Variants in UBAC1 observed in about 807,000 individuals in gnomAD.
The protein encoded by UBAC1 is UBA domain containing 1.
In UBAC1, 27 loss-of-function variants were observed where a neutral mutation model predicts 45.9. The ratio of observed to expected loss-of-function variants is 0.59; its 90% CI spans 0.43 to 0.81. The LOEUF (loss-of-function observed/expected upper bound fraction) is 0.81. Among genes scored for constraint, UBAC1 ranks in the 30% least tolerant of loss-of-function variants. UBAC1 has a pLI of 0.00. For synonymous variants in UBAC1, 227 were observed against 215.5 expected, an observed-to-expected ratio of 1.05 and a Z score of -0.47; for missense variants, 529 against 539.2, an observed-to-expected ratio of 0.98 and a Z score of 0.19.
At position 135,961,009 on chromosome 9, in the gene UBAC1, G is replaced by A; in HGVS notation, c.138+16C>T. The A allele has an allele frequency of 1.3e-6, 2 of 1,534,258 alleles. No homozygotes were observed. Among genetic ancestry groups the A allele is most frequent in the Non-Finnish European group, 8.7e-7 (1 of 1,144,456 alleles). On this transcript the variant is annotated intron_variant, in intron 1 of 9. Coordinates refer to ENST00000371756, the MANE Select transcript of UBAC1 (RefSeq NM_016172.3). ...CGGAGCGGGTGTTGGGGGCAGGGGA[G>A]GGGGCCCGGCCTTACGTGCTTGAGG... is the stretch of plus-strand genomic sequence containing the variant.
rs369929265 is a variant in UBAC1, at chr9:135,933,404, G to A, written c.1214C>T (p.Thr405Met). The part of the protein sequence containing the change: ...ISRIFQTLNR[T>M] ...AGCCGAGTGGAACAACGCCACCTAC[G>A]TGCGATTTAGTGTCTGGAAGATTCT... is the stretch of plus-strand genomic sequence containing the variant. Residue 405 changes from threonine to methionine, a missense_variant, in exon 10 of 10, where the codon ACG (threonine) becomes ATG (methionine). Physicochemically the swap from Thr to Met is moderately conservative, Grantham distance 81. Coordinates refer to ENST00000371756, the MANE Select transcript of UBAC1 (RefSeq NM_016172.3). The A allele has an allele frequency of 1.2e-5, 20 of 1,613,920 alleles. No homozygotes were observed. Among genetic ancestry groups the A allele is most frequent in the East Asian group, 2.2e-5 (1 of 44,880 alleles).
At chr9:135,942,465 C>T (rs1839280953) in intron 7 of UBAC1, among the ~76,000 whole-genome samples, 1 of 152,114 alleles carries the variant, frequency 6.6e-6, no homozygotes, top group Non-Finnish European at 1.5e-5. Flanking sequence ...GCCTGGGCAA[C>T]ACAGGGAGAT....
intron 3 of UBAC1, among the ~76,000 whole-genome samples, chr9:135,949,673 G>C (rs1346442227): frequency 6.6e-6 from 1 of 152,238 alleles, no homozygotes; most frequent in Non-Finnish European, 1.5e-5. Context: ...ACCAGACCAA[G>C]GGACAGATCG....
At chr9:135,946,036 A>G (rs1839329855) in intron 5 of UBAC1, 39 bp from the exon 6 acceptor site, 2 of 1,566,876 alleles carry the variant, frequency 1.3e-6, no homozygotes, top group African/African-American at 1.4e-5. Flanking sequence ...CTCCAGCCTC[A>G]GGTTCAGGGG....
rs201358352 is a variant in UBAC1, at chr9:135,961,092, G to A, written c.71C>T (p.Ala24Val). Residue 24 changes from alanine (A) to valine (V), a missense_variant, in exon 1 of 10, where the codon GCC becomes GTC. Transcript: ENST00000371756. ...CTCGGTGGCCTCCTCCAGCCACTCGGCGCCGTCGGACGCGCAGATGTGCAG... is the reference window on the plus strand; with the variant it reads ...CTCGGTGGCCTCCTCCAGCCACTCGACGCCGTCGGACGCGCAGATGTGCAG... ...LRLHICASDG[A>V]EWLEEATEDT... 1.1e-4 allele frequency: 168 copies of A among 1,586,310 alleles called. 1 individual carries two copies. In the African/African-American group the frequency reaches 2.1e-3, roughly 20 times the overall value.
intron 7 of UBAC1, among the ~76,000 whole-genome samples, chr9:135,941,321 G>A (rs989339672): frequency 3.2e-4 from 48 of 152,244 alleles, no homozygotes; most frequent in African/African-American, 1.1e-3. Flanking sequence ...CAGGAGAATC[G>A]CTTGAACCTG....
At chr9:135,944,997 T>G in intron 7 of UBAC1, 31 bp downstream of exon 7, 1 of 1,591,162 alleles carries the variant, frequency 6.3e-7, no homozygotes, top group East Asian at 2.3e-5. Context: ...ACACAGCGAC[T>G]CTGCCTGGCG....
At position 135,946,351 on chromosome 9, in the gene UBAC1, CTTCCGGAG is replaced by C; in HGVS notation, c.454_461del (p.Leu152AspfsTer24). ...CCACCTCGATGAGAGACACCAGTATCTTCCGGAGTTCTGTCTGGAACTGTGGTGAAAAA... is the reference window on the plus strand; with the variant it reads ...CCACCTCGATGAGAGACACCAGTATCTTCTGTCTGGAACTGTGGTGAAAAA... On this transcript the variant is annotated frameshift_variant, in exon 5 of 10. Coordinates refer to ENST00000371756, the MANE Select transcript of UBAC1 (RefSeq NM_016172.3). LOFTEE classifies it high-confidence loss of function. The C allele has an allele frequency of 6.2e-7, 1 of 1,613,596 alleles. No individual in the cohort carries two copies. Among genetic ancestry groups the C allele is most frequent in the Non-Finnish European group, 8.5e-7 (1 of 1,179,442 alleles).
rs559375903 is a variant in UBAC1 at position 135,933,808 on chromosome 9, G to A, written c.1103-293C>T. 5.3e-5 allele frequency among the ~76,000 whole-genome samples: 8 copies of A among 152,212 alleles called. No homozygotes were observed. In the South Asian group the frequency reaches 6.2e-4, roughly 12 times the overall value. ...CACTCTCGGCAGCTGTCTGGCAGCC[G>A]CCAGGGCTCAAAAATCATCTTCCCC... On this transcript the variant is annotated intron_variant, in intron 9 of 9. Transcript: ENST00000371756.
At position 135,961,088 on chromosome 9, in the gene UBAC1, C is replaced by A; in HGVS notation, c.75G>T (p.Glu25Asp). 6.3e-7 allele frequency: 1 copy of A among 1,586,458 alleles called. No homozygotes were observed. Among genetic ancestry groups the A allele is most frequent in the Non-Finnish European group, 8.5e-7 (1 of 1,171,418 alleles). The change falls in exon 1 of 10, where the codon GAG becomes GAT. Residue 25 changes from glutamate (E) to aspartate (D), a missense_variant. Glu to Asp is a conservative substitution (Grantham distance 45). Coordinates refer to ENST00000371756, the MANE Select transcript of UBAC1 (RefSeq NM_016172.3). ...TGTCCTCGGTGGCCTCCTCCAGCCA[C>A]TCGGCGCCGTCGGACGCGCAGATGT... is the stretch of plus-strand genomic sequence containing the variant. ...RLHICASDGA[E>D]WLEEATEDTS...
chr9:135,947,900 T>C lies in UBAC1; in HGVS notation c.339A>G (p.Lys113=). The stretch of plus-strand genomic sequence containing the variant: ...CTTTATCTGGAGCTTTCTGGTCTTG[T>C]TTTTTCTACACAGAAACGTAATCAG... ...MADVSAEEKK[K]QDQKAPDKEA... Residue 113 remains lysine (K), a synonymous_variant, in exon 4 of 10, where the codon AAA becomes AAG. Transcript: ENST00000371756. 6.2e-7 allele frequency: 1 copy of C among 1,613,666 alleles called. No homozygotes were observed. The highest frequency in any genetic ancestry group is 2.2e-5 in the East Asian group (1 of 44,858).
At chr9:135,939,468 TCACAGCCCACACTCACTCAC>T (rs1315370799) in intron 8 of UBAC1, among the ~76,000 whole-genome samples, 185 bp downstream of exon 8, 68 of 143,600 alleles carry the variant, frequency 4.7e-4, no homozygotes, top group Non-Finnish European at 1.8e-4. Flanking sequence ...CAGCCCACAC[TCACAGCCCACACTCACTCAC>T]CACAGCCCAC....
At chr9:135,936,291 G>A (rs1280876633) in intron 9 of UBAC1, among the ~76,000 whole-genome samples, 1 of 152,112 alleles carries the variant, frequency 6.6e-6, no homozygotes, top group East Asian at 1.9e-4. Context: ...CTTTCAGTGT[G>A]AAAGGAATCA....
chr9:135,933,639 A>G, intron 9 of UBAC1, 124 bp from the exon 10 acceptor site: 2 of 692,676 alleles, frequency 2.9e-6, no homozygotes, highest in Non-Finnish European at 5.2e-6. Context: ...AAGGCCACAC[A>G]GAGCTCACTG....
At chr9:135,953,599 C>T (rs955571331) in intron 3 of UBAC1, 81 bp downstream of exon 3, 42 of 1,252,434 alleles carry the variant, frequency 3.4e-5, no homozygotes, top group Non-Finnish European at 1.7e-5. Context: ...ATTACAGGCG[C>T]GAGCCACTGT....
Position 135,955,368 on chromosome 9 carries a change from T to C in UBAC1, c.186A>G (p.Lys62=), listed in dbSNP as rs1299791466. The C allele has an allele frequency of 5.0e-6, 8 of 1,606,346 alleles. No individual in the cohort carries two copies. The highest frequency in any genetic ancestry group is 1.3e-5 in the African/African-American group (1 of 74,510). ...CCCTCTCTGAGGCAGCGTGGATTAA[T>C]TTATGATGGGTTATACTTTTGGGAT... ...LEDPKSITHH[K]LIHAASERVL... Residue 62 remains lysine (K), a synonymous_variant, in exon 2 of 10, where the codon AAA becomes AAG. Transcript: ENST00000371756.
chr9:135,954,539 C>T (rs1209899050), intron 2 of UBAC1, among the ~76,000 whole-genome samples: 2 of 152,230 alleles, frequency 1.3e-5, no homozygotes, highest in African/African-American at 4.8e-5. Flanking sequence ...AGCTGAGGTA[C>T]AAGCTCCCAG....
chr9:135,956,717 C>T (rs1249195288), intron 1 of UBAC1, among the ~76,000 whole-genome samples: 1 of 152,222 alleles, frequency 6.6e-6, no homozygotes, highest in African/African-American at 2.4e-5. Context: ...CTGTGTTTCA[C>T]AAAATACCCA....
At chr9:135,936,031 A>G (rs895101405) in intron 9 of UBAC1, among the ~76,000 whole-genome samples, 3 of 151,784 alleles carry the variant, frequency 2.0e-5, no homozygotes, top group Non-Finnish European at 2.9e-5. Flanking sequence ...ATCTCAAAAA[A>G]AAAAAAAAAA....
Sources: allele counts gnomAD v4.1 joint callset (sites outside exome capture counted in the v4.1 genomes callset), GRCh38; gene constraint gnomAD v4.1.1; transcripts MANE v1.5; gene names NCBI Gene and HGNC (gene_info 2026-07-23, HGNC 2026-07-21).